BCL7A: variants seen among roughly 807,000 people sequenced by gnomAD.
The protein encoded by BCL7A is B-cell CLL/lymphoma 7 protein family member A.
In BCL7A, 11 loss-of-function variants were observed where a neutral mutation model predicts 28.4. The observed-to-expected ratio is 0.39, with a 90% CI of 0.24 to 0.64. BCL7A has a LOEUF of 0.64. BCL7A is among the 30% of genes least tolerant of loss of function. The pLI, the probability that BCL7A is intolerant of heterozygous loss-of-function variation, is 0.50. For missense variants in BCL7A, 222 were observed against 274.8 expected (o/e 0.81, Z 1.36); for synonymous variants, 123 against 103.3 (o/e 1.19, Z -1.15).
At chr12:122,040,782 A>G (rs1883950202) in intron 3 of BCL7A, among the ~76,000 whole-genome samples, 1 of 152,064 alleles carries the variant, frequency 6.6e-6, no homozygotes, top group African/African-American at 2.4e-5. Flanking sequence ...ACAGCAGGGG[A>G]TGAAGGAGAG....
intron 5 of BCL7A, among the ~76,000 whole-genome samples, chr12:122,056,171 G>A (rs1269271665): frequency 1.3e-5 from 2 of 152,226 alleles, no homozygotes; most frequent in Non-Finnish European, 2.9e-5. Context: ...GTTAAAAACA[G>A]TAGAAACCAA....
chr12:122,061,446 A>G lies in BCL7A; in HGVS notation c.*2283A>G. 1 of 231,918 alleles carries G rather than the reference A, an allele frequency of 4.3e-6. No individual in the cohort carries two copies. Among genetic ancestry groups the G allele is most frequent in the Non-Finnish European group, 8.5e-6 (1 of 117,302 alleles). 14.4% of individuals were successfully genotyped at this position (231,918 alleles called of 1,614,324 possible). ...CCACGGCCACGCCAGGCAAAGCGCC[A>G]GCAGCCCTGCACTCCACGCTGGCCA... On this transcript the variant is annotated 3_prime_UTR_variant, in exon 6 of 6. Coordinates refer to ENST00000261822, the MANE Select transcript of BCL7A (RefSeq NM_001024808.3).
At chr12:122,053,323 C>A (rs1399513126) in intron 4 of BCL7A, among the ~76,000 whole-genome samples, 1 of 152,212 alleles carries the variant, frequency 6.6e-6, no homozygotes, top group Non-Finnish European at 1.5e-5. Flanking sequence ...AAGTAAGTGT[C>A]AACCCTGCTC....
chr12:122,023,897 G>T (rs910827502), intron 1 of BCL7A, among the ~76,000 whole-genome samples: 1 of 152,212 alleles, frequency 6.6e-6, no homozygotes, highest in Admixed American at 6.5e-5. Context: ...TCTGTCGCCG[G>T]CCTGGAGGTT....
rs1951914012 is a variant in BCL7A at position 122,060,678 on chromosome 12, GC to G, written c.*1516del. The G allele has an allele frequency of 4.3e-6, 1 of 233,032 alleles. No individual in the cohort carries two copies. The highest frequency in any genetic ancestry group is 5.6e-5 in the Admixed American group (1 of 17,728). 14.4% of individuals were successfully genotyped at this position (233,032 alleles called of 1,614,324 possible). Reference sequence around the variant, plus strand: ...GTCATGGGTTTTGTTGTTTTTGGGGGCTAATTGGTGCATATTCAGGTACCAC... The same window carrying G: ...GTCATGGGTTTTGTTGTTTTTGGGGGTAATTGGTGCATATTCAGGTACCAC... On this transcript the variant is annotated 3_prime_UTR_variant, in exon 6 of 6. Coordinates refer to ENST00000261822, the MANE Select transcript of BCL7A (RefSeq NM_001024808.3).
intron 1 of BCL7A, among the ~76,000 whole-genome samples, chr12:122,028,799 C>T (rs114444046): frequency 0.014 from 2,115 of 152,234 alleles, 43 homozygotes; most frequent in African/African-American, 0.049. Context: ...GAGTGCTTGG[C>T]GTGGAGCCTG....
intron 5 of BCL7A, among the ~76,000 whole-genome samples, chr12:122,055,692 C>T (rs965188834): frequency 6.6e-6 from 1 of 152,274 alleles, no homozygotes; most frequent in East Asian, 1.9e-4. Context: ...GATCCCGGCT[C>T]ACTCCAACCT....
At chr12:122,028,735 T>C (rs1883679805) in intron 1 of BCL7A, among the ~76,000 whole-genome samples, 1 of 152,166 alleles carries the variant, frequency 6.6e-6, no homozygotes, top group South Asian at 2.1e-4. Flanking sequence ...AGGGTGACAA[T>C]CGTCCCCCTC....
intron 4 of BCL7A, among the ~76,000 whole-genome samples, chr12:122,049,820 C>T (rs1013064827): frequency 6.6e-5 from 10 of 152,036 alleles, no homozygotes; most frequent in Admixed American, 2.0e-4. Context: ...CTGCAGGCTG[C>T]GTCCCTGGAA....
chr12:122,030,007 C>T (rs375910144), intron 1 of BCL7A, among the ~76,000 whole-genome samples: 9 of 152,178 alleles, frequency 5.9e-5, no homozygotes, highest in Non-Finnish European at 1.5e-5. Flanking sequence ...GTCTGGACTC[C>T]GTCCTTCAGG....
At chr12:122,051,937 G>A (rs988299425) in intron 4 of BCL7A, among the ~76,000 whole-genome samples, 1 of 131,528 alleles carries the variant, frequency 7.6e-6, no homozygotes, top group East Asian at 2.3e-4. Context: ...GCAGTGGTGC[G>A]ATTTTCCGCT....
At chr12:122,051,499 C>G (rs992683132) in intron 4 of BCL7A, among the ~76,000 whole-genome samples, 2 of 152,248 alleles carry the variant, frequency 1.3e-5, no homozygotes, top group African/African-American at 4.8e-5. Context: ...TGAGTTCCAG[C>G]ACCGCAGCGC....
chr12:122,024,190 A>G (rs1883555920), intron 1 of BCL7A, among the ~76,000 whole-genome samples: 1 of 152,324 alleles, frequency 6.6e-6, no homozygotes, highest in East Asian at 1.9e-4. Context: ...TGGGGAAACA[A>G]CACATCGTGT....
chr12:122,025,332 A>G (rs557158173), intron 1 of BCL7A, among the ~76,000 whole-genome samples: 2 of 151,472 alleles, frequency 1.3e-5, no homozygotes, highest in East Asian at 1.9e-4. Context: ...AAAAAAGAAA[A>G]AGAAAAAAAA....
chr12:122,042,882 A>G (rs1047770642), intron 3 of BCL7A, among the ~76,000 whole-genome samples: 4 of 152,276 alleles, frequency 2.6e-5, no homozygotes, highest in South Asian at 2.1e-4. Context: ...ACCATATTCA[A>G]ATTCCCCAAT....
chr12:122,027,943 G>C (rs1265822840), intron 1 of BCL7A, among the ~76,000 whole-genome samples: 2 of 152,208 alleles, frequency 1.3e-5, no homozygotes, highest in African/African-American at 4.8e-5. Context: ...TGTGTTCTGT[G>C]GTGATGGTTT....
rs145553217 is a variant in BCL7A at position 122,023,464 on chromosome 12, G to A, written c.92+1281G>A. ...GGGGGCGAGCCTCCGGTGTGGCGGTGTCACAAGTTAGCTGTCCTTTCTGAG... is the reference window on the plus strand; with the variant it reads ...GGGGGCGAGCCTCCGGTGTGGCGGTATCACAAGTTAGCTGTCCTTTCTGAG... On this transcript the variant is annotated intron_variant, in intron 1 of 5. Transcript: ENST00000261822. Among the ~76,000 whole-genome samples, 191 of 152,316 alleles carry A rather than the reference G, an allele frequency of 1.3e-3. 5 individuals carry two copies. The East Asian group carries it at 0.035, about 28-fold the overall frequency.
At chr12:122,023,648 T>A (rs1261283708) in intron 1 of BCL7A, among the ~76,000 whole-genome samples, 1 of 152,246 alleles carries the variant, frequency 6.6e-6, no homozygotes, top group African/African-American at 2.4e-5. Context: ...AGGGGAGGCT[T>A]TCCAAAGTTG....
intron 1 of BCL7A, among the ~76,000 whole-genome samples, chr12:122,024,006 G>C (rs566414832): frequency 1.3e-5 from 2 of 152,226 alleles, no homozygotes; most frequent in Admixed American, 6.5e-5. Context: ...CACCCTGACA[G>C]CTGCTCCCGC....
Sources: gnomAD v4.1 joint callset for allele counts (sites outside exome capture counted in the v4.1 genomes callset) on GRCh38, gnomAD v4.1.1 for gene constraint, MANE v1.5 for transcripts, NCBI Gene and HGNC (gene_info 2026-07-23, HGNC 2026-07-21) for gene names.